HYCC1: variants seen among roughly 807,000 people sequenced by gnomAD.
HYCC1 encodes hyccin PI4KA lipid kinase complex subunit 1.
At chr7:22,994,841 A>G in the HYCC1 span, among the ~76,000 whole-genome samples, 4 of 152,124 alleles carry the variant, frequency 2.6e-5, no homozygotes, top group African/African-American at 9.7e-5. Context: ...CAGCACCACA[A>G]GAAGCTACAG....
the HYCC1 span, among the ~76,000 whole-genome samples, chr7:22,926,701 CA>C: frequency 6.6e-6 from 1 of 150,406 alleles, no homozygotes; most frequent in East Asian, 2.0e-4. Flanking sequence ...GAGTGACCTA[CA>C]AAGAGACTTA....
At chr7:22,957,326 A>G in the HYCC1 span, among the ~76,000 whole-genome samples, 1 of 151,462 alleles carries the variant, frequency 6.6e-6, no homozygotes, top group African/African-American at 2.4e-5. Context: ...AGCAAAAAGG[A>G]AAGTTTTACT....
the HYCC1 span, among the ~76,000 whole-genome samples, chr7:22,958,964 T>C: frequency 1.3e-5 from 2 of 152,176 alleles, no homozygotes; most frequent in Non-Finnish European, 2.9e-5. Context: ...TCCGTGCCTG[T>C]TCTCACACAT....
the HYCC1 span, among the ~76,000 whole-genome samples, chr7:22,929,526 G>C: frequency 6.6e-6 from 1 of 152,024 alleles, no homozygotes; most frequent in Non-Finnish European, 1.5e-5. Flanking sequence ...TCAAAAAGTG[G>C]GCCAAGGATA....
chr7:22,956,734 C>T, the HYCC1 span, among the ~76,000 whole-genome samples: 1 of 151,686 alleles, frequency 6.6e-6, no homozygotes, highest in Non-Finnish European at 1.5e-5. Flanking sequence ...TTATTTTCCA[C>T]TCAATTTGGC....
the HYCC1 span, among the ~76,000 whole-genome samples, chr7:22,925,798 C>T: frequency 6.6e-6 from 1 of 152,184 alleles, no homozygotes; most frequent in Non-Finnish European, 1.5e-5. Context: ...TCTAGCAAGG[C>T]AGGCCAACAT....
chr7:22,943,508 A>T, the HYCC1 span: 2 of 152,188 alleles, frequency 1.3e-5, no homozygotes, highest in African/African-American at 4.8e-5. Context: ...AAAGGTCTAG[A>T]GAGGTCTAAA....
the HYCC1 span, chr7:22,942,088 G>A: frequency 6.6e-6 from 1 of 152,062 alleles, no homozygotes; most frequent in Non-Finnish European, 1.5e-5. Flanking sequence ...ATGTCTCAGA[G>A]TACATCTGTT....
At chr7:22,974,921 T>C in the HYCC1 span, among the ~76,000 whole-genome samples, 1 of 152,192 alleles carries the variant, frequency 6.6e-6, no homozygotes, top group African/African-American at 2.4e-5. Context: ...ATATGCTTTC[T>C]TGCCTGCTGC....
At chr7:22,897,178 C>T in the HYCC1 span, among the ~76,000 whole-genome samples, 3 of 152,132 alleles carry the variant, frequency 2.0e-5, no homozygotes, top group African/African-American at 7.2e-5. Flanking sequence ...TAAGGTTGGC[C>T]TGTTCCAAGA....
chr7:22,902,111 G>A, the HYCC1 span, among the ~76,000 whole-genome samples: 10 of 151,918 alleles, frequency 6.6e-5, no homozygotes, highest in South Asian at 2.1e-4. Flanking sequence ...ATTACAAATC[G>A]TATCAATAAA....
the HYCC1 span, among the ~76,000 whole-genome samples, chr7:22,931,038 C>T: frequency 2.6e-5 from 4 of 152,026 alleles, no homozygotes; most frequent in South Asian, 2.1e-4. Flanking sequence ...TGCATCATAA[C>T]GTGAAAGACA....
the HYCC1 span, among the ~76,000 whole-genome samples, chr7:22,896,273 T>C: frequency 6.6e-6 from 1 of 152,190 alleles, no homozygotes; most frequent in Non-Finnish European, 1.5e-5. Context: ...GGGAAATTGA[T>C]AAATTGAATA....
the HYCC1 span, chr7:22,964,600 A>G: frequency 1.2e-6 from 1 of 855,222 alleles, no homozygotes; most frequent in Non-Finnish European, 2.0e-6. Context: ...TAACATTTAT[A>G]AGCCAACAAT....
the HYCC1 span, among the ~76,000 whole-genome samples, chr7:22,947,902 A>G: frequency 6.6e-6 from 1 of 152,136 alleles, no homozygotes; most frequent in Non-Finnish European, 1.5e-5. Context: ...GCTGTGATAT[A>G]GTTAAGCAGT....
the HYCC1 span, among the ~76,000 whole-genome samples, chr7:22,898,634 G>A: frequency 7.8e-6 from 1 of 128,824 alleles, no homozygotes; most frequent in Non-Finnish European, 1.6e-5. Context: ...ACAGAGCCTC[G>A]TTCTGTCGCC....
At chr7:23,003,452 G>GA in the HYCC1 span, among the ~76,000 whole-genome samples, 1 of 152,022 alleles carries the variant, frequency 6.6e-6, no homozygotes, top group Non-Finnish European at 1.5e-5. Flanking sequence ...AATGCTATGA[G>GA]AAAAAATGAG....
At chr7:22,963,647 G>A in the HYCC1 span, among the ~76,000 whole-genome samples, 2,377 of 152,230 alleles carry the variant, frequency 0.016, 65 homozygotes, top group African/African-American at 0.054. Context: ...CTTGTGGGCC[G>A]TACAGTCTCA....
At chr7:22,953,042 G>C in the HYCC1 span, among the ~76,000 whole-genome samples, 1 of 151,966 alleles carries the variant, frequency 6.6e-6, no homozygotes, top group African/African-American at 2.4e-5. Context: ...TTTAGCTTTA[G>C]TTGTATACAT....
Sources: gnomAD v4.1 joint callset for allele counts (sites outside exome capture counted in the v4.1 genomes callset) on GRCh38, gnomAD v4.1.1 for gene constraint, MANE v1.5 for transcripts, NCBI Gene and HGNC (gene_info 2026-07-23, HGNC 2026-07-21) for gene names.